KCNJ3: variants seen among roughly 807,000 people sequenced by gnomAD.
The protein encoded by KCNJ3 is potassium inwardly rectifying channel subfamily J member 3, also known as G protein-activated inward rectifier potassium channel 1.
Under a neutral mutation model 39.2 loss-of-function variants are expected in KCNJ3, and 4 were observed. The observed-to-expected ratio is 0.10, with a 90% CI of 0.05 to 0.23. The LOEUF is 0.23. Among genes scored for constraint, KCNJ3 ranks in the 10% least tolerant of loss-of-function variants. The probability of loss-of-function intolerance (pLI) is 1.00; values close to 1 mark genes in which losing one functional copy is unlikely to be tolerated. For missense variants in KCNJ3, 276 were observed against 634.9 expected, an observed-to-expected ratio of 0.43 and a Z score of 6.08; for synonymous variants, 230 against 237.4, an observed-to-expected ratio of 0.97 and a Z score of 0.29.
intron 2 of KCNJ3, among the ~76,000 whole-genome samples, chr2:154,837,025 C>G (rs888076455): frequency 6.6e-6 from 1 of 152,016 alleles, no homozygotes; most frequent in African/African-American, 2.4e-5. Context: ...CATAGTTACA[C>G]GAGGGATAGA....
intron 2 of KCNJ3, among the ~76,000 whole-genome samples, chr2:154,837,936 A>C (rs1421285117): frequency 6.6e-6 from 1 of 152,192 alleles, no homozygotes; most frequent in Non-Finnish European, 1.5e-5. Context: ...TTGTTATAGC[A>C]CCTTGTAATT....
At position 154,769,501 on chromosome 2, in the gene KCNJ3, G is replaced by A. The variant is rs1006879235; in HGVS notation, c.919+59682G>A. 5.9e-5 allele frequency among the ~76,000 whole-genome samples: 9 copies of A among 152,110 alleles called. No homozygotes were observed. In the South Asian group the frequency reaches 6.2e-4, roughly 10 times the overall value. On this transcript the variant is annotated intron_variant, in intron 2 of 2. Transcript: ENST00000295101. ...TGATGGATTATGTTTACTGATTTGC[G>A]TATGTTGCACCAGCCTTACATCCCA...
chr2:154,783,934 T>A (rs1558873257), intron 2 of KCNJ3, among the ~76,000 whole-genome samples: 1 of 152,198 alleles, frequency 6.6e-6, no homozygotes, highest in Non-Finnish European at 1.5e-5. Context: ...ACATATACAA[T>A]GATGGAATAA....
At chr2:154,833,061 T>C (rs905587682) in intron 2 of KCNJ3, among the ~76,000 whole-genome samples, 3 of 152,242 alleles carry the variant, frequency 2.0e-5, no homozygotes, top group Admixed American at 2.0e-4. Flanking sequence ...CCTTGAAATA[T>C]AGTTCTAGGA....
chr2:154,746,587 T>A (rs188609651), intron 2 of KCNJ3, among the ~76,000 whole-genome samples: 1 of 149,452 alleles, frequency 6.7e-6, no homozygotes, highest in Non-Finnish European at 1.5e-5. Flanking sequence ...GGGTCAACTG[T>A]ATGTGTGTGT....
intron 2 of KCNJ3, among the ~76,000 whole-genome samples, chr2:154,839,461 T>G (rs1687536266): frequency 6.6e-6 from 1 of 152,194 alleles, no homozygotes; most frequent in Non-Finnish European, 1.5e-5. Flanking sequence ...GTAATGGGAT[T>G]GCTGGGTCAA....
At chr2:154,781,582 T>A (rs1477415484) in intron 2 of KCNJ3, among the ~76,000 whole-genome samples, 1 of 152,220 alleles carries the variant, frequency 6.6e-6, no homozygotes, top group Non-Finnish European at 1.5e-5. Flanking sequence ...TTTGTACCAC[T>A]TAAAGTGCAT....
At chr2:154,735,949 C>T (rs2105170964) in intron 2 of KCNJ3, among the ~76,000 whole-genome samples, 1 of 152,168 alleles carries the variant, frequency 6.6e-6, no homozygotes, top group East Asian at 1.9e-4. Context: ...CTCTATTCTT[C>T]TTATTTGATA....
At chr2:154,724,198 A>G (rs1466590078) in intron 2 of KCNJ3, among the ~76,000 whole-genome samples, 3 of 152,122 alleles carry the variant, frequency 2.0e-5, no homozygotes, top group African/African-American at 7.2e-5. Context: ...TCTCATGGTG[A>G]CAATTTCCCA....
chr2:154,746,614 A>G (rs1685746535), intron 2 of KCNJ3, among the ~76,000 whole-genome samples: 1 of 53,558 alleles, frequency 1.9e-5, no homozygotes, highest in African/African-American at 7.3e-5. Context: ...ACACAGATAT[A>G]TATATATATA....
chr2:154,843,485 C>A, intron 2 of KCNJ3, among the ~76,000 whole-genome samples: 1 of 152,078 alleles, frequency 6.6e-6, no homozygotes, highest in East Asian at 1.9e-4. Context: ...TGTTGGCCTG[C>A]CTTGCTAGGT....
At position 154,786,865 on chromosome 2, in the gene KCNJ3, C is replaced by T. The variant is rs567254802; in HGVS notation, c.920-67862C>T. Reference sequence around the variant, plus strand: ...AAGAGCAAACCAAAAATGAATTAGACGTGGACTCTCAGGGGATAATATCCA... The same window carrying T: ...AAGAGCAAACCAAAAATGAATTAGATGTGGACTCTCAGGGGATAATATCCA... On this transcript the variant is annotated intron_variant, in intron 2 of 2. Coordinates refer to ENST00000295101, the MANE Select transcript of KCNJ3 (RefSeq NM_002239.4). Among the ~76,000 whole-genome samples the T allele has an allele frequency of 4.6e-5, 7 of 152,182 alleles. No individual in the cohort carries two copies. In the South Asian group the frequency reaches 6.2e-4, roughly 14 times the overall value.
At chr2:154,766,756 A>G (rs534111122) in intron 2 of KCNJ3, among the ~76,000 whole-genome samples, 57 of 152,096 alleles carry the variant, frequency 3.7e-4, no homozygotes, top group African/African-American at 1.3e-3. Context: ...GGGTTTCACC[A>G]TATTGGACAG....
chr2:154,775,418 A>G (rs1345747025), intron 2 of KCNJ3, among the ~76,000 whole-genome samples: 7 of 152,170 alleles, frequency 4.6e-5, no homozygotes, highest in Admixed American at 2.0e-4. Context: ...CCACTCATCT[A>G]TATTATTTGT....
At chr2:154,779,384 C>A (rs868745501) in intron 2 of KCNJ3, among the ~76,000 whole-genome samples, 1 of 149,740 alleles carries the variant, frequency 6.7e-6, no homozygotes, top group Non-Finnish European at 1.5e-5. Flanking sequence ...TCCTAAAGGA[C>A]TCAAATCCTT....
chr2:154,801,873 T>G (rs1243951884), intron 2 of KCNJ3, among the ~76,000 whole-genome samples: 4 of 152,152 alleles, frequency 2.6e-5, no homozygotes, highest in African/African-American at 9.7e-5. Context: ...GCGATTCACC[T>G]GCCTTGGCCT....
chr2:154,740,761 A>T (rs1294617789), intron 2 of KCNJ3, among the ~76,000 whole-genome samples: 1 of 152,066 alleles, frequency 6.6e-6, no homozygotes. Context: ...AAATCAGTAC[A>T]AAATCATTTT....
At position 154,735,609 on chromosome 2, in the gene KCNJ3, T is replaced by C. The variant is rs73019286; in HGVS notation, c.919+25790T>C. Among the ~76,000 whole-genome samples the C allele has an allele frequency of 9.4e-3, 1,430 of 152,312 alleles. 17 individuals are homozygous for C. Among genetic ancestry groups the C allele is most frequent in the African/African-American group, 0.033 (1,353 of 41,560 alleles). On this transcript the variant is annotated intron_variant, in intron 2 of 2. Transcript: ENST00000295101. The stretch of plus-strand genomic sequence containing the variant: ...CAGTTAATATAATTTTCTCGACTTA[T>C]TGATGTTAGTACAAAACGTTTTTGA...
At chr2:154,788,565 G>T (rs189624109) in intron 2 of KCNJ3, among the ~76,000 whole-genome samples, 30 of 152,160 alleles carry the variant, frequency 2.0e-4, no homozygotes, top group African/African-American at 7.0e-4. Flanking sequence ...ACTACTGTTT[G>T]TCTGCTAGCA....
Sources: allele counts gnomAD v4.1 joint callset (sites outside exome capture counted in the v4.1 genomes callset), GRCh38; gene constraint gnomAD v4.1.1; transcripts MANE v1.5; gene names NCBI Gene and HGNC (gene_info 2026-07-23, HGNC 2026-07-21).